AR: variants seen among roughly 807,000 people sequenced by gnomAD.
AR encodes androgen receptor.
A neutral mutation model predicts 53.9 loss-of-function variants in AR; 8 were observed. The observed-to-expected ratio is 0.15, with a 90% CI of 0.09 to 0.27. AR has a LOEUF of 0.27. Among genes scored for constraint, AR ranks in the 10% least tolerant of loss-of-function variants. The probability of loss-of-function intolerance (pLI) is 1.00; values close to 1 mark genes in which losing one functional copy is unlikely to be tolerated. For missense variants in AR, 639 were observed against 742.5 expected (o/e 0.86, Z 1.62); for synonymous variants, 359 against 316.4 (o/e 1.13, Z -1.43).
chrX:67,681,825 A>C (rs1184942594), intron 2 of AR, among the ~76,000 whole-genome samples: 1 of 112,210 alleles, frequency 8.9e-6, no homozygotes, highest in East Asian at 2.8e-4. Context: ...GTCTTTAAAA[A>C]TTCTTTCCAA....
intron 1 of AR, among the ~76,000 whole-genome samples, chrX:67,601,634 T>G (rs1740994491): frequency 8.9e-6 from 1 of 112,333 alleles, no homozygotes; most frequent in Admixed American, 9.4e-5. Flanking sequence ...TTTGCAGACC[T>G]GCAGAAAACT....
chrX:67,662,045 T>C lies in AR; in HGVS notation c.1768+18638T>C, dbSNP rs139222933. Among the ~76,000 whole-genome samples, 319 of 111,961 alleles carry C rather than the reference T, an allele frequency of 2.8e-3. 1 individual carries two copies. The highest frequency in any genetic ancestry group is 9.8e-3 in the African/African-American group (302 of 30,834). On this transcript the variant is annotated intron_variant, in intron 2 of 7. Coordinates refer to ENST00000374690, the MANE Select transcript of AR (RefSeq NM_000044.6). Reference sequence around the variant, plus strand: ...GTGGGATCGGTGATTATATCCCCTTTATCATTTTTTATTGCGTCTATTTGA... The same window carrying C: ...GTGGGATCGGTGATTATATCCCCTTCATCATTTTTTATTGCGTCTATTTGA...
intron 3 of AR, among the ~76,000 whole-genome samples, chrX:67,696,373 C>T (rs2076020900): frequency 9.0e-6 from 1 of 111,584 alleles, no homozygotes; most frequent in African/African-American, 3.3e-5. Context: ...TTGTCCCTCA[C>T]TCAGGGTGGT....
At chrX:67,703,470 T>G (rs1202934267) in intron 3 of AR, among the ~76,000 whole-genome samples, 3 of 111,540 alleles carry the variant, frequency 2.7e-5, no homozygotes, top group Non-Finnish European at 5.6e-5. Flanking sequence ...ATAATGTTAT[T>G]TCTATCATTC....
At chrX:67,707,135 G>T (rs1033543213) in intron 3 of AR, among the ~76,000 whole-genome samples, 1 of 111,830 alleles carries the variant, frequency 8.9e-6, no homozygotes. Context: ...TTGATTTGGG[G>T]TGGAGAGTTC....
chrX:67,597,862 T>TTTG (rs1412272406), intron 1 of AR, among the ~76,000 whole-genome samples: 4 of 111,745 alleles, frequency 3.6e-5, no homozygotes, highest in Non-Finnish European at 5.6e-5. Flanking sequence ...GACAAAGACT[T>TTTG]TTGTTGTTGT....
chrX:67,661,632 G>A (rs1483839068), intron 2 of AR, among the ~76,000 whole-genome samples: 3 of 111,640 alleles, frequency 2.7e-5, no homozygotes, highest in Non-Finnish European at 3.8e-5. Context: ...ATGTTTATCA[G>A]GGATATCGGT....
At chrX:67,558,908 C>T (rs182106610) in intron 1 of AR, among the ~76,000 whole-genome samples, 2 of 112,063 alleles carry the variant, frequency 1.8e-5, no homozygotes, top group African/African-American at 3.2e-5. Flanking sequence ...AAGAAACAGG[C>T]ACAGAGCAAT....
intron 2 of AR, among the ~76,000 whole-genome samples, chrX:67,678,352 G>GT (rs2075912916): frequency 8.9e-6 from 1 of 111,864 alleles, no homozygotes; most frequent in Non-Finnish European, 1.9e-5. Context: ...CAACTGGTTT[G>GT]ATTTTTAAAG....
intron 3 of AR, chrX:67,695,773 GCTCT>G (rs1388939893): frequency 8.2e-5 from 35 of 426,119 alleles, no homozygotes; most frequent in South Asian, 1.4e-4. Context: ...ACACACACAC[GCTCT>G]CTCTCTCTCT....
chrX:67,546,094 C>T lies in AR; in HGVS notation c.948C>T (p.Tyr316=), dbSNP rs2147319287. The T allele has an allele frequency of 8.2e-7, 1 of 1,212,342 alleles. No homozygotes were observed. Among genetic ancestry groups the T allele is most frequent in the African/African-American group, 1.7e-5 (1 of 58,009 alleles). ...AGTATTCCCCTTTCAAGGGAGGTTA[C>T]ACCAAAGGGCTAGAAGGCGAGAGCC... ...TAEYSPFKGG[Y]TKGLEGESLG... The change falls in exon 1 of 8, where the codon TAC becomes TAT. Residue 316 remains tyrosine, a synonymous_variant. Transcript: ENST00000374690.
chrX:67,664,917 G>T (rs987435485), intron 2 of AR, among the ~76,000 whole-genome samples: 20 of 112,859 alleles, frequency 1.8e-4, no homozygotes, highest in East Asian at 2.8e-4. Context: ...CTCTGAGCCA[G>T]GCACAGGATA....
intron 1 of AR, among the ~76,000 whole-genome samples, chrX:67,547,155 A>T (rs1929799071): frequency 9.0e-6 from 1 of 111,655 alleles, no homozygotes. Flanking sequence ...GAATTTGGGC[A>T]ATTTCTCCTC....
At chrX:67,711,029 A>G (rs978646574) in intron 3 of AR, among the ~76,000 whole-genome samples, 6 of 112,220 alleles carry the variant, frequency 5.3e-5, no homozygotes, top group Admixed American at 9.4e-5. Context: ...AGGTCTAACA[A>G]TGGATATCTG....
chrX:67,663,866 C>A (rs767584946), intron 2 of AR, among the ~76,000 whole-genome samples: 1 of 111,949 alleles, frequency 8.9e-6, no homozygotes, highest in African/African-American at 3.3e-5. Flanking sequence ...TCATTTCATT[C>A]ATTTGATCTT....
At chrX:67,639,461 T>C (rs1324290925) in intron 1 of AR, among the ~76,000 whole-genome samples, 1 of 111,843 alleles carries the variant, frequency 8.9e-6, no homozygotes, top group Non-Finnish European at 1.9e-5. Context: ...CATGGAATGG[T>C]TTTCCATTTA....
intron 1 of AR, among the ~76,000 whole-genome samples, chrX:67,631,894 G>T (rs775704099): frequency 1.8e-5 from 2 of 112,125 alleles, no homozygotes; most frequent in Non-Finnish European, 1.9e-5. Flanking sequence ...TGGAGTACCC[G>T]GCCGTGTGAG....
rs780069534 is a variant in AR at position 67,684,511 on chromosome X, T to C, written c.1769-1499T>C. Among the ~76,000 whole-genome samples, 3 of 111,058 alleles carry C rather than the reference T, an allele frequency of 2.7e-5. No homozygotes were observed. The South Asian group carries it at 1.2e-3, about 43-fold the overall frequency. Reference sequence around the variant, plus strand: ...AGGTAAGTCACTTCCCTGGAACTCCTCCTTGGAATGAGAGTTGTACTGTTG... The same window carrying C: ...AGGTAAGTCACTTCCCTGGAACTCCCCCTTGGAATGAGAGTTGTACTGTTG... On this transcript the variant is annotated intron_variant, in intron 2 of 7. Coordinates refer to ENST00000374690, the MANE Select transcript of AR (RefSeq NM_000044.6).
At chrX:67,569,886 C>T (rs771363838) in intron 1 of AR, among the ~76,000 whole-genome samples, 6 of 111,107 alleles carry the variant, frequency 5.4e-5, no homozygotes, top group African/African-American at 1.6e-4. Context: ...CCTATTGTCC[C>T]CATCTCCATG....
Sources: gnomAD v4.1 joint callset for allele counts (sites outside exome capture counted in the v4.1 genomes callset) on GRCh38, gnomAD v4.1.1 for gene constraint, MANE v1.5 for transcripts, NCBI Gene and HGNC (gene_info 2026-07-23, HGNC 2026-07-21) for gene names.